CLN6: variants seen among roughly 807,000 people sequenced by gnomAD.
CLN6 encodes the protein ceroid-lipofuscinosis neuronal protein 6.
A neutral mutation model predicts 33.3 loss-of-function variants in CLN6; 22 were observed. That is an observed-to-expected ratio of 0.66 (90% confidence interval 0.47 to 0.94). CLN6 has a LOEUF of 0.94. Among genes scored for constraint, CLN6 ranks in the 40% least tolerant of loss-of-function variants. The pLI is 0.00. For synonymous variants in CLN6, 201 were observed against 174.6 expected (o/e 1.15, Z -1.19); for missense variants, 387 against 417.1 (o/e 0.93, Z 0.63).
At chr15:68,237,267 G>T (rs1892229999) in intron 1 of CLN6, among the ~76,000 whole-genome samples, 1 of 151,154 alleles carries the variant, frequency 6.6e-6, no homozygotes, top group African/African-American at 2.4e-5. Flanking sequence ...ATCACTTGAG[G>T]CTAGGAGTTC....
intron 1 of CLN6, among the ~76,000 whole-genome samples, chr15:68,237,401 T>A (rs998770855): frequency 6.6e-6 from 1 of 151,896 alleles, no homozygotes; most frequent in Admixed American, 6.6e-5. Context: ...GCTGGAGGGA[T>A]CCCTTGAGCC....
intron 1 of CLN6, among the ~76,000 whole-genome samples, chr15:68,229,301 C>T (rs12910947): frequency 2.6e-5 from 4 of 152,080 alleles, no homozygotes; most frequent in South Asian, 2.1e-4. Flanking sequence ...CCGCTGGGCC[C>T]CAGGCTCCCC....
At chr15:68,245,047 AAAAG>A (rs1252568152) in intron 1 of CLN6, among the ~76,000 whole-genome samples, 3 of 151,468 alleles carry the variant, frequency 2.0e-5, no homozygotes, top group South Asian at 2.1e-4. Flanking sequence ...AAAAAAAAAA[AAAAG>A]AGAGAGAGAG....
rs1421962171 is a variant in CLN6 at position 68,211,899 on chromosome 15, CCT to C, written c.298-38_298-37del. On this transcript the variant is annotated intron_variant, in intron 3 of 6. Coordinates refer to ENST00000249806, the MANE Select transcript of CLN6 (RefSeq NM_017882.3). This position sits in a 1 kb window ranked among gnomAD's most constrained non-coding sequence, Gnocchi z 5.9. ...GAGTGGGGTTGGCAGCATGACCCCA[CCT>C]CTGTCACAGTATGTGACACCCTCTG... 2.5e-6 allele frequency: 4 copies of C among 1,605,834 alleles called. No individual in the cohort carries two copies. The highest frequency in any genetic ancestry group is 1.7e-5 in the Admixed American group (1 of 59,942).
At position 68,208,765 on chromosome 15, in the gene CLN6, G is replaced by A. The variant is rs979062503; in HGVS notation, c.666-355C>T. 3.3e-5 allele frequency among the ~76,000 whole-genome samples: 5 copies of A among 152,332 alleles called. No individual in the cohort carries two copies. The highest frequency in any genetic ancestry group is 4.8e-5 in the African/African-American group (2 of 41,580). ...CCATTACGACGGCAGCCACCCCCGC[G>A]GCAGGATGCCGGGGTAAGAACCAGC... On this transcript the variant is annotated intron_variant, in intron 6 of 6. Transcript: ENST00000249806. This position sits in a 1 kb window ranked among gnomAD's most constrained non-coding sequence, Gnocchi z 5.8.
rs1303934686 is a variant in CLN6, at chr15:68,209,257, A to G, written c.665+380T>C. ...TCATCTGAGAGGCAGACAGGCAGGT[A>G]CCATCATCCCCACTTCACAGAGGTG... On this transcript the variant is annotated intron_variant, in intron 6 of 6. Transcript: ENST00000249806. The surrounding 1 kb of genome is among the most constrained non-coding windows in gnomAD (Gnocchi z 4.9). Among the ~76,000 whole-genome samples the G allele has an allele frequency of 6.6e-6, 1 of 152,174 alleles. No homozygotes were observed. The highest frequency in any genetic ancestry group is 2.4e-5 in the African/African-American group (1 of 41,440).
chr15:68,218,614 C>T lies in CLN6; in HGVS notation c.120G>A (p.Thr40=), dbSNP rs1034192926. The T allele has an allele frequency of 1.7e-5, 27 of 1,613,792 alleles. No homozygotes were observed. Among genetic ancestry groups the T allele is most frequent in the African/African-American group, 5.3e-5 (4 of 74,888 alleles). The change falls in exon 2 of 7, where the codon ACG becomes ACA. Residue 40 remains threonine, a synonymous_variant. Transcript: ENST00000249806. ...ACCAGAGGTCGAGGTGGAAGGGAGC[C>T]GTGCGGGCAGCCTCATCAGCGCTCA... ...GSVSADEAAR[T]APFHLDLWFY... is the part of the protein sequence containing the mutation.
At chr15:68,254,612 G>C (rs1351372674) in intron 1 of CLN6, 2 of 611,366 alleles carry the variant, frequency 3.3e-6, no homozygotes, top group Middle Eastern at 7.2e-4. Context: ...CCTATGTCCC[G>C]CCGCCGTTGC....
chr15:68,226,010 T>A (rs2093250597), intron 1 of CLN6, among the ~76,000 whole-genome samples: 1 of 151,092 alleles, frequency 6.6e-6, no homozygotes, highest in Non-Finnish European at 1.5e-5. Context: ...AAATAGCAGT[T>A]GAGTGTAGTT....
Position 68,256,629 on chromosome 15 carries a change from C to T in CLN6, c.179+61G>A. ...GTGGGCAGTGCAGTCGCACAGGGCC[C>T]CACGTTCAGAAGGGCTTCGCCCTTG... On this transcript the variant is annotated intron_variant, in intron 1 of 6. Transcript: ENST00000538696. The surrounding 1 kb of genome is among the most constrained non-coding windows in gnomAD (Gnocchi z 4.1). 1.3e-5 allele frequency: 8 copies of T among 593,430 alleles called. No homozygotes were observed. Among genetic ancestry groups the T allele is most frequent in the Non-Finnish European group, 2.4e-5 (8 of 330,792 alleles). The allele number at this position is 593,430 out of a possible 1,614,324, so 36.8% of individuals were successfully genotyped here. A position where few individuals can be genotyped will look rare whatever the true frequency, so the allele number is the denominator to read the frequency against.
Position 68,228,045 on chromosome 15 carries a change from A to G in CLN6, c.83+1457T>C, listed in dbSNP as rs2093257338. Among the ~76,000 whole-genome samples, 1 of 152,236 alleles carries G rather than the reference A, an allele frequency of 6.6e-6. No homozygotes were observed. The highest frequency in any genetic ancestry group is 1.5e-5 in the Non-Finnish European group (1 of 68,030). ...CGTGGGGCAGACAGCCCGGGGACTC[A>G]GCCAGTCAGGCTCCTCAGCCCATCT... On this transcript the variant is annotated intron_variant, in intron 1 of 6. Transcript: ENST00000249806. This position sits in a 1 kb window ranked among gnomAD's most constrained non-coding sequence, Gnocchi z 4.4.
At chr15:68,251,254 A>G (rs921267789) in intron 1 of CLN6, among the ~76,000 whole-genome samples, 1 of 152,236 alleles carries the variant, frequency 6.6e-6, no homozygotes, top group Non-Finnish European at 1.5e-5. Flanking sequence ...ACATCCATTT[A>G]TGACAAAAGC....
chr15:68,211,161 G>T lies in CLN6; in HGVS notation c.542+102C>A. The T allele has an allele frequency of 2.1e-6, 2 of 970,930 alleles. No individual in the cohort carries two copies. Among genetic ancestry groups the T allele is most frequent in the Non-Finnish European group, 3.4e-6 (2 of 593,984 alleles). The allele number at this position is 970,930 out of a possible 1,614,324, so 60.1% of individuals were successfully genotyped here. On this transcript the variant is annotated intron_variant, in intron 5 of 6. Transcript: ENST00000249806. The surrounding 1 kb of genome is among the most constrained non-coding windows in gnomAD (Gnocchi z 5.9). ...CAGGGGATGAGACTCAACACATGGA[G>T]ACCCGCAGCCCAGACAGCCTTGCTC... is the stretch of plus-strand genomic sequence containing the variant.
In CLN6 at chr15:68,208,098, A is replaced by ACCCCCC; in HGVS notation, c.*41_*42insGGGGGG. 8.9e-6 allele frequency: 4 copies of ACCCCCC among 448,454 alleles called. No individual in the cohort carries two copies. The highest frequency in any genetic ancestry group is 1.1e-5 in the Non-Finnish European group (3 of 279,248). The allele number at this position is 448,454 out of a possible 1,614,324, so 27.8% of individuals were successfully genotyped here. On this transcript the variant is annotated 3_prime_UTR_variant, in exon 7 of 7. Coordinates refer to ENST00000249806, the MANE Select transcript of CLN6 (RefSeq NM_017882.3). The surrounding 1 kb of genome is among the most constrained non-coding windows in gnomAD (Gnocchi z 5.8). The stretch of plus-strand genomic sequence containing the variant: ...TGTATTCAGATGCCCTCCATGGCCC[A>ACCCCCC]CCCTCCCACCCAGCAGAGCGCCAGA...
intron 1 of CLN6, 48 bp downstream of exon 1, chr15:68,229,454 C>T: frequency 7.2e-7 from 1 of 1,388,944 alleles, no homozygotes; most frequent in South Asian, 1.3e-5. Flanking sequence ...TCCCGAGGCC[C>T]CAGCGCACAG....
upstream of CLN6, among the ~76,000 whole-genome samples, chr15:68,232,632 G>C (rs534565424): frequency 4.3e-4 from 65 of 152,204 alleles, no homozygotes; most frequent in Admixed American, 1.8e-3. This position sits in a 1 kb window ranked among gnomAD's most constrained non-coding sequence, Gnocchi z 4.7. Context: ...CAGGAGTGTT[G>C]GACACTCCAT....
intron 1 of CLN6, among the ~76,000 whole-genome samples, chr15:68,249,767 C>A (rs1892359793): frequency 6.6e-6 from 1 of 151,712 alleles, no homozygotes; most frequent in South Asian, 2.1e-4. Flanking sequence ...ATCTATTGGA[C>A]ATTTCTTATT....
rs1321995495 is a variant in CLN6 at position 68,227,604 on chromosome 15, G to C, written c.83+1898C>G. ...CACCCCCCTGGGAATACCCTGGCTG[G>C]TGGGGAGCTCACACAGGGGAAGAGG... On this transcript the variant is annotated intron_variant, in intron 1 of 6. Coordinates refer to ENST00000249806, the MANE Select transcript of CLN6 (RefSeq NM_017882.3). This position sits in a 1 kb window ranked among gnomAD's most constrained non-coding sequence, Gnocchi z 4.1. 6.6e-6 allele frequency among the ~76,000 whole-genome samples: 1 copy of C among 152,194 alleles called. No individual in the cohort carries two copies. Among genetic ancestry groups the C allele is most frequent in the African/African-American group, 2.4e-5 (1 of 41,466 alleles).
At chr15:68,254,603 C>T in intron 1 of CLN6, 1 of 602,336 alleles carries the variant, frequency 1.7e-6, no homozygotes, top group Non-Finnish European at 3.0e-6. Context: ...CTCCCAGCGC[C>T]TATGTCCCGC....
Sources: allele counts gnomAD v4.1 joint callset (sites outside exome capture counted in the v4.1 genomes callset), GRCh38; gene constraint gnomAD v4.1.1; non-coding constraint Gnocchi (gnomAD v3.1); transcripts MANE v1.5; gene names NCBI Gene and HGNC (gene_info 2026-07-23, HGNC 2026-07-21).